Variants in FAM227B observed in about 807,000 individuals in gnomAD.
The protein encoded by FAM227B is family with sequence similarity 227 member B, also known as protein FAM227B.
Under a neutral mutation model 73.8 loss-of-function variants are expected in FAM227B, and 88 were observed. That is an observed-to-expected ratio of 1.19 (90% CI 1.00 to 1.42). The LOEUF is 1.42. Among genes scored for constraint, FAM227B ranks in the 40% most tolerant of loss-of-function variants. FAM227B has a pLI of 0.00. For synonymous variants in FAM227B, 210 were observed against 190.5 expected (o/e 1.10, Z -0.84); for missense variants, 632 against 590.9 (o/e 1.07, Z -0.72).
At chr15:49,466,045 G>C (rs1170949612) in intron 11 of FAM227B, among the ~76,000 whole-genome samples, 3 of 152,134 alleles carry the variant, frequency 2.0e-5, no homozygotes, top group African/African-American at 7.2e-5. Flanking sequence ...GAACAATAGA[G>C]GTGGGTGCTA....
intron 10 of FAM227B, among the ~76,000 whole-genome samples, chr15:49,534,546 C>T (rs1387721614): frequency 7.8e-6 from 1 of 127,476 alleles, no homozygotes. Flanking sequence ...ACTCTGCTTT[C>T]AACACTGGAT....
chr15:49,605,033 T>C (rs565738229), intron 3 of FAM227B, among the ~76,000 whole-genome samples: 1 of 152,122 alleles, frequency 6.6e-6, no homozygotes, highest in African/African-American at 2.4e-5. Flanking sequence ...AGTTTGTAGA[T>C]CTCTATTTTT....
chr15:49,617,776 T>TTTTG (rs141002057), intron 1 of FAM227B, among the ~76,000 whole-genome samples: 3 of 148,114 alleles, frequency 2.0e-5, no homozygotes, highest in Non-Finnish European at 3.0e-5. Context: ...CTTTCATGTT[T>TTTTG]TGTGTGTGTG....
chr15:49,552,568 C>T (rs1262275618), intron 9 of FAM227B, among the ~76,000 whole-genome samples: 1 of 152,150 alleles, frequency 6.6e-6, no homozygotes, highest in Non-Finnish European at 1.5e-5. Flanking sequence ...AATAACCTAT[C>T]TACCCCATCT....
chr15:49,434,659 G>C (rs970864980), intron 11 of FAM227B: 1 of 151,384 alleles, frequency 6.6e-6, no homozygotes, highest in Non-Finnish European at 1.5e-5. Context: ...CCAAGGTAAA[G>C]GTTTTTTTTC....
At chr15:49,372,485 G>T (rs1320110175) in intron 11 of FAM227B, among the ~76,000 whole-genome samples, 2 of 152,124 alleles carry the variant, frequency 1.3e-5, no homozygotes, top group African/African-American at 4.8e-5. Context: ...CTAATTAAAT[G>T]CAATAAGCAA....
intron 13 of FAM227B, among the ~76,000 whole-genome samples, chr15:49,352,788 T>C (rs1042987671): frequency 2.0e-5 from 3 of 152,158 alleles, no homozygotes; most frequent in Non-Finnish European, 2.9e-5. Flanking sequence ...TCAAAACCTC[T>C]ACCCAATCCC....
chr15:49,492,829 T>C (rs577573596), intron 11 of FAM227B, among the ~76,000 whole-genome samples: 3 of 151,932 alleles, frequency 2.0e-5, no homozygotes, highest in Non-Finnish European at 4.4e-5. Context: ...ATCTTCACAT[T>C]CAGTTTTTAT....
intron 11 of FAM227B, among the ~76,000 whole-genome samples, chr15:49,499,517 G>A (rs1037829517): frequency 2.6e-5 from 4 of 152,126 alleles, no homozygotes; most frequent in East Asian, 1.9e-4. Context: ...AAAGATGCCC[G>A]AGTATATATT....
At chr15:49,396,703 A>G (rs2047681679) in intron 11 of FAM227B, among the ~76,000 whole-genome samples, 3 of 150,826 alleles carry the variant, frequency 2.0e-5, no homozygotes, top group African/African-American at 7.2e-5. Flanking sequence ...ACCCCCGAGC[A>G]GCCTAACTGG....
intron 11 of FAM227B, among the ~76,000 whole-genome samples, chr15:49,504,384 C>G (rs1220674182): frequency 6.6e-6 from 1 of 151,244 alleles, no homozygotes; most frequent in Non-Finnish European, 1.5e-5. Context: ...ATGTAACAAA[C>G]CTGCACGTTG....
chr15:49,328,225 A>C lies in FAM227B; in HGVS notation c.*343T>G, dbSNP rs2037871988. ...AGGAATTGGCAGGACTTTCTGTGCCACAGTAAATTAATCTTCCTTCTGTTT... is the reference window on the plus strand; with the variant it reads ...AGGAATTGGCAGGACTTTCTGTGCCCCAGTAAATTAATCTTCCTTCTGTTT... On this transcript the variant is annotated 3_prime_UTR_variant, in exon 16 of 16. Transcript: ENST00000299338. The C allele has an allele frequency of 6.6e-7, 1 of 1,524,928 alleles. No homozygotes were observed. The highest frequency in any genetic ancestry group is 1.3e-5 in the South Asian group (1 of 79,428). The allele number at this position is 1,524,928 out of a possible 1,614,324, so 94.5% of individuals were successfully genotyped here.
At chr15:49,589,692 C>G in intron 4 of FAM227B, 84 bp downstream of exon 4, 1 of 821,566 alleles carries the variant, frequency 1.2e-6, no homozygotes, top group East Asian at 2.6e-5. Context: ...TCAGGAGGAT[C>G]ACTTGAGGCC....
At chr15:49,432,701 T>C (rs1428697678) in intron 11 of FAM227B, among the ~76,000 whole-genome samples, 1 of 151,644 alleles carries the variant, frequency 6.6e-6, no homozygotes, top group Non-Finnish European at 1.5e-5. Context: ...ACTAAGCATG[T>C]ATGCCAAAGT....
chr15:49,508,855 T>C (rs1050129425), intron 10 of FAM227B, among the ~76,000 whole-genome samples: 3 of 152,146 alleles, frequency 2.0e-5, no homozygotes, highest in Non-Finnish European at 4.4e-5. Context: ...TGTGCATTAA[T>C]AGAAAAATTG....
At chr15:49,470,245 T>G (rs1199301310) in intron 11 of FAM227B, among the ~76,000 whole-genome samples, 2 of 151,548 alleles carry the variant, frequency 1.3e-5, no homozygotes, top group Admixed American at 6.6e-5. Context: ...TATAATTCTT[T>G]AACACTGGGA....
At chr15:49,334,258 G>A in intron 14 of FAM227B, 1 of 984,516 alleles carries the variant, frequency 1.0e-6, no homozygotes, top group South Asian at 4.7e-5. Context: ...TGCTGTTTTA[G>A]AAGTTTTATT....
chr15:49,473,108 T>C (rs1373918139), intron 11 of FAM227B, among the ~76,000 whole-genome samples: 1 of 152,154 alleles, frequency 6.6e-6, no homozygotes, highest in Admixed American at 6.5e-5. Context: ...GAATATTTTT[T>C]AAAAACATTT....
intron 12 of FAM227B, chr15:49,367,866 GAAA>G (rs34096112): frequency 4.5e-4 from 53 of 116,850 alleles, no homozygotes; most frequent in African/African-American, 1.2e-3. Context: ...CTTAAGAACA[GAAA>G]AAAAAAAAAA....
Sources: allele counts gnomAD v4.1 joint callset (sites outside exome capture counted in the v4.1 genomes callset), GRCh38; gene constraint gnomAD v4.1.1; transcripts MANE v1.5; gene names NCBI Gene and HGNC (gene_info 2026-07-23, HGNC 2026-07-21).